The following AHNAK variants were observed in gnomAD, a reference collection of about 807,000 sequenced individuals.
The protein encoded by AHNAK is neuroblast differentiation-associated protein AHNAK.
AHNAK carries 23 observed loss-of-function variants against 37.8 expected under a neutral mutation model. The observed-to-expected ratio is 0.61, with a 90% CI of 0.44 to 0.86. The LOEUF (loss-of-function observed/expected upper bound fraction) is 0.86. AHNAK is among the 40% of genes least tolerant of loss of function. AHNAK has a pLI of 0.00. For missense variants in AHNAK, 7,411 were observed against 7,319.4 expected, an observed-to-expected ratio of 1.01 and a Z score of -0.46; for synonymous variants, 2,481 against 2,636.3, an observed-to-expected ratio of 0.94 and a Z score of 1.80.
chr11:62,509,459 A>G (rs1343718024), intron 4 of AHNAK, among the ~76,000 whole-genome samples: 1 of 151,964 alleles, frequency 6.6e-6, no homozygotes, highest in Non-Finnish European at 1.5e-5. Context: ...CTGAGGCAGG[A>G]GAATCACTTG....
intron 5 of AHNAK, among the ~76,000 whole-genome samples, chr11:62,483,375 C>T (rs1939314567): frequency 1.3e-5 from 2 of 152,214 alleles, no homozygotes; most frequent in Non-Finnish European, 2.9e-5. Context: ...AACAAATCAT[C>T]CAGTTCTGAA....
Position 62,530,299 on chromosome 11 carries a change from A to T in AHNAK, c.4118T>A (p.Val1373Asp), listed in dbSNP as rs147210358. 97 of 1,612,890 alleles carry T rather than the reference A, an allele frequency of 6.0e-5. No individual in the cohort carries two copies. The highest frequency in any genetic ancestry group is 2.2e-5 in the East Asian group (1 of 44,814). The change falls in exon 5 of 5, where the codon GTT becomes GAT. Residue 1373 changes from valine to aspartate, a missense_variant. By Grantham distance (152) the Val-to-Asp change is radical. Coordinates refer to ENST00000378024, the MANE Select transcript of AHNAK (RefSeq NM_001620.3). Reference protein sequence around the residue: ...KVDISAPDVDVHGPDWHLKMP... With the variant: ...KVDISAPDVDDHGPDWHLKMP... ...CTTCAGGTGCCAATCTGGGCCATGA[A>T]CATCCACATCTGGAGCACTAATGTC...
intron 5 of AHNAK, among the ~76,000 whole-genome samples, chr11:62,488,129 T>C (rs1939428398): frequency 6.6e-6 from 1 of 152,236 alleles, no homozygotes; most frequent in Non-Finnish European, 1.5e-5. Flanking sequence ...CTTCCGTGCC[T>C]GGCTCTGCAA....
chr11:62,475,827 G>A (rs55966956), intron 5 of AHNAK, among the ~76,000 whole-genome samples: 129,482 of 151,700 alleles, frequency 0.85, 56,952 homozygotes, highest in Non-Finnish European at 0.96. Flanking sequence ...CTCGTCTCGA[G>A]CTCCTGACCT....
chr11:62,485,952 C>T (rs1242913584), intron 5 of AHNAK, among the ~76,000 whole-genome samples: 6 of 141,826 alleles, frequency 4.2e-5, no homozygotes, highest in African/African-American at 1.3e-4. Context: ...ACCTGGGAGG[C>T]GGAGGTTGCA....
chr11:62,524,597 C>G lies in AHNAK; in HGVS notation c.9820G>C (p.Ala3274Pro). ...APDIDIHGPD[A>P]KLKGPKLKMP... ...TTCAGTTTTGGACCTTTTAATTTGG[C>G]ATCTGGGCCATGAATGTCAATATCT... is the stretch of plus-strand genomic sequence containing the variant. Residue 3274 changes from alanine (A) to proline (P), a missense_variant, in exon 5 of 5, where the codon GCC becomes CCC. By Grantham distance (27) the Ala-to-Pro change is conservative. Transcript: ENST00000378024. The G allele has an allele frequency of 6.8e-6, 11 of 1,613,972 alleles. No homozygotes were observed. The highest frequency in any genetic ancestry group is 8.5e-6 in the Non-Finnish European group (10 of 1,179,968).
intron 5 of AHNAK, among the ~76,000 whole-genome samples, chr11:62,483,906 G>A (rs1361567883): frequency 2.8e-5 from 4 of 143,666 alleles, no homozygotes; most frequent in East Asian, 2.1e-4. Flanking sequence ...GCGCGGTGGC[G>A]GGCGCCTGTA....
intron 5 of AHNAK, among the ~76,000 whole-genome samples, chr11:62,468,868 T>A: frequency 6.6e-6 from 1 of 152,372 alleles, no homozygotes; most frequent in Non-Finnish European, 1.5e-5. Flanking sequence ...TCTCTGTTTC[T>A]GCTTTCCTCA....
downstream of AHNAK, among the ~76,000 whole-genome samples, chr11:62,511,202 C>T (rs975757341): frequency 6.6e-6 from 1 of 151,722 alleles, no homozygotes; most frequent in African/African-American, 2.4e-5. Context: ...CTTTTGACCC[C>T]AAACAACCCA....
At chr11:62,457,971 T>C (rs1938699654) in intron 5 of AHNAK, among the ~76,000 whole-genome samples, 1 of 148,930 alleles carries the variant, frequency 6.7e-6, no homozygotes, top group Admixed American at 6.9e-5. Flanking sequence ...TGGAGCGCAG[T>C]GGCGCGATCT....
intron 4 of AHNAK, among the ~76,000 whole-genome samples, chr11:62,496,501 C>A (rs754368824): frequency 7.9e-5 from 12 of 152,098 alleles, no homozygotes; most frequent in Non-Finnish European, 1.8e-4. Flanking sequence ...CTGATGTAAT[C>A]TTGAAAGCAG....
intron 4 of AHNAK, among the ~76,000 whole-genome samples, chr11:62,508,344 C>T (rs757625310): frequency 3.3e-5 from 5 of 152,148 alleles, no homozygotes; most frequent in Non-Finnish European, 7.3e-5. Context: ...TGAGACCAAT[C>T]GCTTCGCTTT....
intron 5 of AHNAK, among the ~76,000 whole-genome samples, chr11:62,481,896 A>G (rs1221745114): frequency 1.3e-5 from 2 of 151,784 alleles, no homozygotes; most frequent in Non-Finnish European, 2.9e-5. Context: ...GAGTTCTTCA[A>G]CCCTCTGCCT....
Position 62,521,773 on chromosome 11 carries a change from G to A in AHNAK, c.12644C>T (p.Ala4215Val), listed in dbSNP as rs1565228158. The stretch of plus-strand genomic sequence containing the variant: ...CTTGGGTCCTGAGACGTCAAGGTCA[G>A]CCTTGGGCAGGTTCACATCCACATC... The part of the protein sequence containing the change: ...GPDVDVNLPK[A>V]DLDVSGPKVD... Residue 4215 changes from alanine to valine, a missense_variant, in exon 5 of 5, where the codon GCT becomes GTT. Transcript: ENST00000378024. 3.1e-6 allele frequency: 5 copies of A among 1,613,444 alleles called. No homozygotes were observed. Among genetic ancestry groups the A allele is most frequent in the Non-Finnish European group, 4.2e-6 (5 of 1,179,872 alleles).
At chr11:62,455,887 A>G (rs1044855372) in intron 5 of AHNAK, among the ~76,000 whole-genome samples, 4 of 150,490 alleles carry the variant, frequency 2.7e-5, no homozygotes, top group Non-Finnish European at 5.9e-5. Context: ...AAACTATACA[A>G]AATTAACTAG....
intron 5 of AHNAK, among the ~76,000 whole-genome samples, chr11:62,441,576 A>G (rs990235489): frequency 6.6e-6 from 1 of 151,900 alleles, no homozygotes; most frequent in African/African-American, 2.4e-5. Context: ...ATCTTGGCTC[A>G]CTGCAACCTA....
At position 62,529,648 on chromosome 11, in the gene AHNAK, G is replaced by A. The variant is rs768724498; in HGVS notation, c.4769C>T (p.Ala1590Val). Residue 1590 changes from alanine (A) to valine (V), a missense_variant, in exon 5 of 5, where the codon GCC becomes GTC. Ala to Val is a moderately conservative substitution (Grantham distance 64). Coordinates refer to ENST00000378024, the MANE Select transcript of AHNAK (RefSeq NM_001620.3). ...ATCTACATCAGTTTTCAGTTTAGGG[G>A]CTTTCAAATTAAGTCCAACATCAGG... ...SMPDVGLNLK[A>V]PKLKTDVDVS... 6.2e-7 allele frequency: 1 copy of A among 1,613,974 alleles called. No individual in the cohort carries two copies. Among genetic ancestry groups the A allele is most frequent in the Admixed American group, 1.7e-5 (1 of 59,996 alleles).
chr11:62,477,045 C>T (rs1006323533), intron 5 of AHNAK, among the ~76,000 whole-genome samples: 2 of 152,266 alleles, frequency 1.3e-5, no homozygotes, highest in Middle Eastern at 3.4e-3. Flanking sequence ...AATTGTACTA[C>T]GAAGTTTTGC....
Position 62,522,664 on chromosome 11 carries a change from G to A in AHNAK, c.11753C>T (p.Ala3918Val). The A allele has an allele frequency of 7.4e-6, 12 of 1,612,786 alleles. No individual in the cohort carries two copies. The highest frequency in any genetic ancestry group is 9.3e-6 in the Non-Finnish European group (11 of 1,179,754). The change falls in exon 5 of 5, where the codon GCC becomes GTC. Residue 3918 changes from alanine (A) to valine (V), a missense_variant. Ala to Val is a moderately conservative substitution (Grantham distance 64, BLOSUM62 0). Transcript: ENST00000378024. ...DIKGPKVDIN[A>V]PDVDVRGPDW... is the part of the protein sequence containing the mutation. Reference sequence around the variant, plus strand: ...TGGGCCTCGAACATCCACATCTGGGGCATTAATATCCACTTTGGGGCCTTT... The same window carrying A: ...TGGGCCTCGAACATCCACATCTGGGACATTAATATCCACTTTGGGGCCTTT...
Sources: gnomAD v4.1 joint callset for allele counts (sites outside exome capture counted in the v4.1 genomes callset) on GRCh38, gnomAD v4.1.1 for gene constraint, MANE v1.5 for transcripts, NCBI Gene and HGNC (gene_info 2026-07-23, HGNC 2026-07-21) for gene names.